PDE7B: variants seen among roughly 807,000 people sequenced by gnomAD.
The protein encoded by PDE7B is 3',5'-cyclic-AMP phosphodiesterase 7B.
A neutral mutation model predicts 56.2 loss-of-function variants in PDE7B; 29 were observed. The ratio of observed to expected loss-of-function variants is 0.52; its 90% CI spans 0.38 to 0.70. The LOEUF is 0.70. Among genes scored for constraint, PDE7B ranks in the 30% least tolerant of loss-of-function variants. The probability of loss-of-function intolerance (pLI) is 0.00; values close to 1 mark genes in which losing one functional copy is unlikely to be tolerated. For missense variants in PDE7B, 490 were observed against 565.0 expected (o/e 0.87, Z 1.35); for synonymous variants, 197 against 196.9 (o/e 1.00, Z 0.00).
At chr6:136,024,346 C>T (rs994496306) in intron 2 of PDE7B, among the ~76,000 whole-genome samples, 1 of 152,202 alleles carries the variant, frequency 6.6e-6, no homozygotes, top group African/African-American at 2.4e-5. Context: ...TAGAATTCAC[C>T]TTTAGCATCA....
chr6:135,951,277 ATATAAT>A (rs1003072880), intron 2 of PDE7B, among the ~76,000 whole-genome samples: 10 of 152,204 alleles, frequency 6.6e-5, no homozygotes, highest in African/African-American at 2.2e-4. Flanking sequence ...TCAGAAGTTT[ATATAAT>A]TATATCAATG....
chr6:136,033,462 C>T (rs979585782), intron 2 of PDE7B, among the ~76,000 whole-genome samples: 1 of 152,132 alleles, frequency 6.6e-6, no homozygotes, highest in Non-Finnish European at 1.5e-5. Context: ...GTCCCCAGTA[C>T]CTGAAAAAGG....
chr6:136,075,892 T>G (rs1374239268), intron 2 of PDE7B, among the ~76,000 whole-genome samples: 3 of 152,208 alleles, frequency 2.0e-5, no homozygotes, highest in Non-Finnish European at 4.4e-5. Flanking sequence ...ATGTATCTCA[T>G]TTTCTGTGAC....
chr6:136,069,665 C>T (rs1393569186), intron 2 of PDE7B, among the ~76,000 whole-genome samples: 1 of 152,116 alleles, frequency 6.6e-6, no homozygotes, highest in Non-Finnish European at 1.5e-5. Context: ...CTTTTTTAAA[C>T]ACTTAGTTCT....
intron 2 of PDE7B, among the ~76,000 whole-genome samples, chr6:136,097,839 G>A (rs932259378): frequency 2.0e-5 from 3 of 151,844 alleles, no homozygotes; most frequent in African/African-American, 4.8e-5. Flanking sequence ...TGATCTCTCC[G>A]ATAAGCCATC....
At chr6:136,038,386 G>A (rs780591706) in intron 2 of PDE7B, 12 of 1,291,468 alleles carry the variant, frequency 9.3e-6, no homozygotes, top group South Asian at 3.7e-5. Flanking sequence ...GAAGCCGGCC[G>A]GGGTGCCAGC....
chr6:135,941,985 T>C (rs1774512947), intron 1 of PDE7B, among the ~76,000 whole-genome samples: 1 of 152,156 alleles, frequency 6.6e-6, no homozygotes, highest in South Asian at 2.1e-4. Context: ...GAAAAAACAT[T>C]AACTGGTTTA....
intron 2 of PDE7B, among the ~76,000 whole-genome samples, chr6:135,955,187 A>C (rs1418625458): frequency 6.6e-6 from 1 of 152,124 alleles, no homozygotes; most frequent in Non-Finnish European, 1.5e-5. Context: ...TTCTATCCTC[A>C]GCAAGCTCCC....
intron 8 of PDE7B, among the ~76,000 whole-genome samples, chr6:136,157,450 T>C (rs1327910087): frequency 6.6e-6 from 1 of 152,094 alleles, no homozygotes; most frequent in South Asian, 2.1e-4. Context: ...TCGTGGCACA[T>C]GCTTGTAATC....
chr6:136,170,090 T>TG (rs1778855851), intron 8 of PDE7B, among the ~76,000 whole-genome samples: 1 of 152,186 alleles, frequency 6.6e-6, no homozygotes, highest in Admixed American at 6.5e-5. Context: ...TCCTGACTTG[T>TG]GTTTTCCTAA....
intron 2 of PDE7B, among the ~76,000 whole-genome samples, chr6:136,053,408 A>T (rs1442814708): frequency 6.6e-6 from 1 of 151,990 alleles, no homozygotes; most frequent in Non-Finnish European, 1.5e-5. Context: ...TTATGGCTGC[A>T]TAGTATTCCA....
intron 2 of PDE7B, among the ~76,000 whole-genome samples, chr6:135,948,221 G>A (rs2128199580): frequency 6.6e-6 from 1 of 151,994 alleles, no homozygotes; most frequent in African/African-American, 2.4e-5. Context: ...TAAAATTTTA[G>A]GTCTAGTGTT....
At chr6:136,019,090 T>C (rs1378957281) in intron 2 of PDE7B, among the ~76,000 whole-genome samples, 2 of 152,082 alleles carry the variant, frequency 1.3e-5, no homozygotes, top group African/African-American at 4.8e-5. Flanking sequence ...AAGTGGCTTA[T>C]TTAACATATA....
chr6:136,103,729 C>T (rs954534359), intron 2 of PDE7B, among the ~76,000 whole-genome samples: 3 of 152,158 alleles, frequency 2.0e-5, no homozygotes, highest in Non-Finnish European at 2.9e-5. Context: ...TCCCATATTC[C>T]GTGCAACCTG....
At chr6:136,069,141 A>G (rs761375208) in intron 2 of PDE7B, among the ~76,000 whole-genome samples, 2 of 152,166 alleles carry the variant, frequency 1.3e-5, no homozygotes, top group Non-Finnish European at 2.9e-5. Flanking sequence ...GGAGGGATCA[A>G]TTCAGTTGGT....
intron 2 of PDE7B, among the ~76,000 whole-genome samples, chr6:135,953,590 T>C (rs1006650778): frequency 1.3e-5 from 2 of 152,156 alleles, no homozygotes; most frequent in African/African-American, 2.4e-5. Flanking sequence ...ATATAAGTTA[T>C]TATTTTTATT....
intron 2 of PDE7B, among the ~76,000 whole-genome samples, chr6:135,959,776 A>G (rs1774864919): frequency 6.6e-6 from 1 of 151,686 alleles, no homozygotes; most frequent in South Asian, 2.1e-4. Flanking sequence ...TTAAAAAAAA[A>G]AAGTTTACAT....
At chr6:136,008,746 A>G (rs2128206909) in intron 2 of PDE7B, among the ~76,000 whole-genome samples, 1 of 152,148 alleles carries the variant, frequency 6.6e-6, no homozygotes, top group Middle Eastern at 3.4e-3. Flanking sequence ...CCTTTGTCAG[A>G]TGAGTAGATT....
rs868473924 is a variant in PDE7B at position 136,178,940 on chromosome 6, C to T, written c.804-57C>T. The T allele has an allele frequency of 7.0e-6, 11 of 1,575,720 alleles. 1 individual carries two copies. In the Middle Eastern group the frequency reaches 1.0e-3, roughly 144 times the overall value. ...ACCTGATGATGATAAAATCAATCAC[C>T]CTCATCAAAGGGATTTGCTTTGTGT... On this transcript the variant is annotated intron_variant, in intron 9 of 12. Coordinates refer to ENST00000308191, the MANE Select transcript of PDE7B (RefSeq NM_018945.4).
Sources: allele counts gnomAD v4.1 joint callset (sites outside exome capture counted in the v4.1 genomes callset), GRCh38; gene constraint gnomAD v4.1.1; transcripts MANE v1.5; gene names NCBI Gene and HGNC (gene_info 2026-07-23, HGNC 2026-07-21).